The following UBE2QL1 variants were observed in gnomAD, a reference collection of about 807,000 sequenced individuals.
UBE2QL1 encodes ubiquitin-conjugating enzyme E2Q-like protein 1.
UBE2QL1 carries 5 observed loss-of-function variants against 12.6 expected under a neutral mutation model. That is an observed-to-expected ratio of 0.40 (90% CI 0.21 to 0.83). The LOEUF (loss-of-function observed/expected upper bound fraction) is 0.83. Ranked by LOEUF, UBE2QL1 falls within the 40% of genes least tolerant of loss-of-function variation. UBE2QL1 has a pLI of 0.37. For synonymous variants in UBE2QL1, 96 were observed against 94.5 expected (o/e 1.02, Z -0.10); for missense variants, 99 against 222.6 (o/e 0.44, Z 3.53).
chr5:6,484,978 G>C (rs996273834), intron 1 of UBE2QL1, among the ~76,000 whole-genome samples: 5 of 151,942 alleles, frequency 3.3e-5, no homozygotes, highest in African/African-American at 1.2e-4. Context: ...CAGCAGGGAG[G>C]CTCACATCGG....
In UBE2QL1 at chr5:6,448,864, C is replaced by T; in HGVS notation, c.-30C>T. On this transcript the variant is annotated 5_prime_UTR_variant, in exon 1 of 2. Coordinates refer to ENST00000399816, the MANE Select transcript of UBE2QL1 (RefSeq NM_001145161.3). ...CCTGGTCCCCGCGGCGCGCCAGCAACACTGCACGCAGGTGCGCAGCCGGCG... is the reference window on the plus strand; with the variant it reads ...CCTGGTCCCCGCGGCGCGCCAGCAATACTGCACGCAGGTGCGCAGCCGGCG... 2 of 1,390,442 alleles carry T rather than the reference C, an allele frequency of 1.4e-6. No homozygotes were observed. Among genetic ancestry groups the T allele is most frequent in the Non-Finnish European group, 1.9e-6 (2 of 1,063,996 alleles). The allele number at this position is 1,390,442 out of a possible 1,614,324, so 86.1% of individuals were successfully genotyped here.
intron 1 of UBE2QL1, among the ~76,000 whole-genome samples, chr5:6,489,397 C>T (rs1579304073): frequency 6.6e-6 from 1 of 151,394 alleles, no homozygotes; most frequent in African/African-American, 2.4e-5. Flanking sequence ...GCACTCCAGC[C>T]TGGATGACAG....
At chr5:6,461,321 A>C (rs1416870281) in intron 1 of UBE2QL1, among the ~76,000 whole-genome samples, 1 of 152,126 alleles carries the variant, frequency 6.6e-6, no homozygotes, top group Non-Finnish European at 1.5e-5. Context: ...CTGACCAGCT[A>C]TCTCTAGGGT....
intron 1 of UBE2QL1, among the ~76,000 whole-genome samples, chr5:6,463,568 C>A (rs1004089929): frequency 4.0e-5 from 6 of 151,046 alleles, no homozygotes; most frequent in African/African-American, 1.5e-4. Context: ...GAAGTTCTCC[C>A]GAAACCCAGG....
chr5:6,477,421 C>A (rs1368557316), intron 1 of UBE2QL1, among the ~76,000 whole-genome samples: 2 of 151,944 alleles, frequency 1.3e-5, no homozygotes, highest in Non-Finnish European at 2.9e-5. Context: ...CTGACAGGTG[C>A]GCCCGGAGAT....
intron 1 of UBE2QL1, among the ~76,000 whole-genome samples, chr5:6,473,019 C>G (rs1368768846): frequency 1.3e-5 from 2 of 152,184 alleles, no homozygotes; most frequent in Admixed American, 6.5e-5. Flanking sequence ...GGTCTTTTCC[C>G]ACGGCTTTCT....
chr5:6,477,112 T>C (rs1047016816), intron 1 of UBE2QL1, among the ~76,000 whole-genome samples: 1 of 152,064 alleles, frequency 6.6e-6, no homozygotes, highest in African/African-American at 2.4e-5. Flanking sequence ...GCCCACACTC[T>C]CAGGGCCAGT....
At chr5:6,463,925 C>G (rs1739729769) in intron 1 of UBE2QL1, among the ~76,000 whole-genome samples, 1 of 152,020 alleles carries the variant, frequency 6.6e-6, no homozygotes, top group African/African-American at 2.4e-5. Context: ...CCGCGCCCAG[C>G]CTGTGCTGTT....
intron 1 of UBE2QL1, among the ~76,000 whole-genome samples, chr5:6,452,760 C>T (rs562660402): frequency 1.3e-5 from 2 of 152,314 alleles, no homozygotes; most frequent in East Asian, 3.9e-4. Context: ...GGAATGCTGG[C>T]CATGAAGAGT....
At chr5:6,461,805 AC>A (rs1579290017) in intron 1 of UBE2QL1, among the ~76,000 whole-genome samples, 1 of 152,120 alleles carries the variant, frequency 6.6e-6, no homozygotes, top group Non-Finnish European at 1.5e-5. Context: ...GATTCCGATC[AC>A]CCTATCCTGA....
chr5:6,482,666 C>T (rs1253063675), intron 1 of UBE2QL1, among the ~76,000 whole-genome samples: 2 of 152,222 alleles, frequency 1.3e-5, no homozygotes, highest in Non-Finnish European at 2.9e-5. Flanking sequence ...TTTTTGGTTG[C>T]CACCACTCGG....
intron 1 of UBE2QL1, among the ~76,000 whole-genome samples, chr5:6,450,489 G>A (rs928054130): frequency 2.0e-5 from 3 of 152,192 alleles, no homozygotes; most frequent in Admixed American, 1.3e-4. Flanking sequence ...TTACATTGCT[G>A]TGTGGGCATC....
At chr5:6,464,791 G>A (rs186491549) in intron 1 of UBE2QL1, among the ~76,000 whole-genome samples, 164 of 152,300 alleles carry the variant, frequency 1.1e-3, no homozygotes, top group African/African-American at 3.8e-3. Context: ...TGGACTTAGA[G>A]TGCAGCTAAT....
rs1052173601 is a variant in UBE2QL1 at position 6,462,547 on chromosome 5, C to T, written c.354+13300C>T. 5.3e-5 allele frequency among the ~76,000 whole-genome samples: 8 copies of T among 152,148 alleles called. No homozygotes were observed. The South Asian group carries it at 6.2e-4, about 12-fold the overall frequency. The stretch of plus-strand genomic sequence containing the variant: ...CTGCTCCTGCTTAGTGAGAATTGCC[C>T]GGGGGCATCTTCCCTGTGCTGCCTC... On this transcript the variant is annotated intron_variant, in intron 1 of 1. Transcript: ENST00000399816.
intron 1 of UBE2QL1, among the ~76,000 whole-genome samples, chr5:6,452,193 G>C (rs572645294): frequency 1.8e-4 from 28 of 152,242 alleles, no homozygotes; most frequent in Middle Eastern, 6.8e-3. Flanking sequence ...AAAAATATCT[G>C]CTTAACAGTT....
chr5:6,482,650 G>GGCAAT (rs535957986), intron 1 of UBE2QL1, among the ~76,000 whole-genome samples: 2 of 152,326 alleles, frequency 1.3e-5, no homozygotes, highest in African/African-American at 4.8e-5. Context: ...GCAATAGGCA[G>GGCAAT]AGACATTTTT....
At chr5:6,453,566 C>T (rs923997283) in intron 1 of UBE2QL1, among the ~76,000 whole-genome samples, 1 of 152,154 alleles carries the variant, frequency 6.6e-6, no homozygotes, top group African/African-American at 2.4e-5. Context: ...ATAAAGGAAA[C>T]TTGTCTAAGT....
At chr5:6,471,108 G>A (rs777453076) in intron 1 of UBE2QL1, among the ~76,000 whole-genome samples, 1 of 152,138 alleles carries the variant, frequency 6.6e-6, no homozygotes, top group Non-Finnish European at 1.5e-5. Context: ...TTAGGGAATG[G>A]GTTTTGGCCA....
intron 1 of UBE2QL1, among the ~76,000 whole-genome samples, chr5:6,454,428 A>T (rs1192007961): frequency 1.3e-5 from 2 of 152,104 alleles, no homozygotes; most frequent in East Asian, 3.9e-4. Flanking sequence ...TCCTGACCTG[A>T]CTTTAACTTA....
Sources: allele counts gnomAD v4.1 joint callset (sites outside exome capture counted in the v4.1 genomes callset), GRCh38; gene constraint gnomAD v4.1.1; transcripts MANE v1.5; gene names NCBI Gene and HGNC (gene_info 2026-07-23, HGNC 2026-07-21).